The following NKAP variants were observed in gnomAD, a reference collection of about 807,000 sequenced individuals.
The protein encoded by NKAP is NFKB activating protein, also known as NF-kappa-B-activating protein.
A neutral mutation model predicts 35.6 loss-of-function variants in NKAP; 4 were observed. That is an observed-to-expected ratio of 0.11 (90% CI 0.06 to 0.26). The LOEUF is 0.26. Ranked by LOEUF, NKAP falls within the 10% of genes least tolerant of loss-of-function variation. The pLI is 1.00. For missense variants in NKAP, 238 were observed against 321.9 expected (o/e 0.74, Z 1.99); for synonymous variants, 106 against 119.2 (o/e 0.89, Z 0.72).
chrX:119,934,592 A>C (rs779428066), intron 4 of NKAP, 35 bp from the exon 5 acceptor site: 1 of 1,015,167 alleles, frequency 9.9e-7, no homozygotes, highest in Non-Finnish European at 1.3e-6. Flanking sequence ...TAAGAAAAAA[A>C]TTTTTTAACT....
intron 1 of NKAP, among the ~76,000 whole-genome samples, chrX:119,939,685 G>A (rs2056783390): frequency 9.2e-6 from 1 of 108,671 alleles, no homozygotes; most frequent in Non-Finnish European, 1.9e-5. Flanking sequence ...GATTGCTTGA[G>A]ATCAGGAGGT....
Position 119,920,709 on chromosome X carries a change from G to C in NKAP, c.*4511C>G. On this transcript the variant is annotated 3_prime_UTR_variant, in exon 9 of 9. Coordinates refer to ENST00000371410, the MANE Select transcript of NKAP (RefSeq NM_024528.4). Reference sequence around the variant, plus strand: ...ATATTTATTGAGTAATAAACTTGTGGCACACAATCCAGCTGTATTTTTTTG... The same window carrying C: ...ATATTTATTGAGTAATAAACTTGTGCCACACAATCCAGCTGTATTTTTTTG... 1.7e-6 allele frequency: 1 copy of C among 598,722 alleles called. No homozygotes were observed. The highest frequency in any genetic ancestry group is 2.5e-6 in the Non-Finnish European group (1 of 399,234). 49.3% of individuals were successfully genotyped at this position (598,722 alleles called of 1,213,427 possible).
In NKAP at chrX:119,943,735, G is replaced by A. The variant is rs769354012; in HGVS notation, c.-130C>T. ...CAAATCTGAGGAAACCTTGGACACAGTTCTGGGTACTTCTGCAAAACCCTT... is the reference window on the plus strand; with the variant it reads ...CAAATCTGAGGAAACCTTGGACACAATTCTGGGTACTTCTGCAAAACCCTT... On this transcript the variant is annotated 5_prime_UTR_variant, in exon 1 of 9. Transcript: ENST00000371410. 1.3e-6 allele frequency: 1 copy of A among 777,251 alleles called. No homozygotes were observed. The allele number at this position is 777,251 out of a possible 1,213,427, so 64.1% of individuals were successfully genotyped here.
chrX:119,922,909 CAAATAACCTTAACAA>C lies in NKAP; in HGVS notation c.*2296_*2310del. The C allele has an allele frequency of 9.0e-6, 1 of 110,756 alleles. No individual in the cohort carries two copies. The highest frequency in any genetic ancestry group is 3.9e-4 in the South Asian group (1 of 2,585). The allele number at this position is 110,756 out of a possible 1,213,427, so 9.1% of individuals were successfully genotyped here. A position where few individuals can be genotyped will look rare whatever the true frequency, so the allele number is the denominator to read the frequency against. Reference sequence around the variant, plus strand: ...ATAGGCATGTAATAATAATGCAGATCAAATAACCTTAACAAAAACGGCCAGGCACGGTTGCTCACA... The same window carrying C: ...ATAGGCATGTAATAATAATGCAGATCAAACGGCCAGGCACGGTTGCTCACA... On this transcript the variant is annotated 3_prime_UTR_variant, in exon 9 of 9. Transcript: ENST00000371410.
At chrX:119,936,888 C>T (rs1412936894) in intron 2 of NKAP, 3 of 359,646 alleles carry the variant, frequency 8.3e-6, no homozygotes, top group Non-Finnish European at 9.5e-6. Flanking sequence ...CTTTCATAAA[C>T]GTGCAGTTCA....
Position 119,943,559 on chromosome X carries a change from C to A in NKAP, c.47G>T (p.Gly16Val). The A allele has an allele frequency of 8.3e-7, 1 of 1,199,524 alleles. No individual in the cohort carries two copies. Among genetic ancestry groups the A allele is most frequent in the Non-Finnish European group, 1.1e-6 (1 of 887,902 alleles). ...CGAACTGCGACGTCTTCCCCCCGAGCCCGAGGCCTCCCTATCCGGGCTGCG... is the reference window on the plus strand; with the variant it reads ...CGAACTGCGACGTCTTCCCCCCGAGACCGAGGCCTCCCTATCCGGGCTGCG... ...GSRSPDREAS[G>V]SGGRRRSSSK... Residue 16 changes from glycine (G) to valine (V), a missense_variant, in exon 1 of 9, where the codon GGC (glycine) becomes GTC (valine). Gly to Val is a moderately radical substitution (Grantham distance 109). Coordinates refer to ENST00000371410, the MANE Select transcript of NKAP (RefSeq NM_024528.4).
At position 119,923,071 on chromosome X, in the gene NKAP, TGTG is replaced by T. The variant is rs1010864235; in HGVS notation, c.*2146_*2148del. 1.8e-5 allele frequency: 2 copies of T among 110,374 alleles called. No homozygotes were observed. Among genetic ancestry groups the T allele is most frequent in the African/African-American group, 6.6e-5 (2 of 30,375 alleles). 9.1% of individuals were successfully genotyped at this position (110,374 alleles called of 1,213,427 possible). On this transcript the variant is annotated 3_prime_UTR_variant, in exon 9 of 9. Coordinates refer to ENST00000371410, the MANE Select transcript of NKAP (RefSeq NM_024528.4). ...ATTGAAAATACAAAAATTAGCCAGT[TGTG>T]GTGGTGAGTGCCTGTAATCCCAGCT...
rs1040829588 is a variant in NKAP, at chrX:119,943,376, C to A, written c.230G>T (p.Arg77Leu). Reference protein sequence around the residue: ...SRNQSYRSRSRSRSRERPSAP... With the variant: ...SRNQSYRSRSLSRSRERPSAP... The stretch of plus-strand genomic sequence containing the variant: ...AGAGGGCCGCTCTCTAGAACGCGAC[C>A]GCGAGCGTGAGCGGTAGGACTGGTT... Residue 77 changes from arginine (R) to leucine (L), a missense_variant, in exon 1 of 9, where the codon CGG becomes CTG. Coordinates refer to ENST00000371410, the MANE Select transcript of NKAP (RefSeq NM_024528.4). 1 of 1,210,818 alleles carries A rather than the reference C, an allele frequency of 8.3e-7. No individual in the cohort carries two copies. The highest frequency in any genetic ancestry group is 1.1e-6 in the Non-Finnish European group (1 of 895,130).
chrX:119,942,612 G>A (rs1333102337), intron 1 of NKAP, among the ~76,000 whole-genome samples: 1 of 111,713 alleles, frequency 9.0e-6, no homozygotes. Context: ...CTCAAAGTGG[G>A]GTCATCTATA....
At chrX:119,926,226 G>A (rs1333203839) in intron 8 of NKAP, among the ~76,000 whole-genome samples, 27 of 105,198 alleles carry the variant, frequency 2.6e-4, no homozygotes, top group Admixed American at 4.1e-4. Context: ...AAAGTGCTGG[G>A]ATTACAGGCG....
Position 119,943,681 on chromosome X carries a change from T to C in NKAP, c.-76A>G, listed in dbSNP as rs1318920512. Reference sequence around the variant, plus strand: ...CCTAGGAAGATGTCTGTTGCCTTGGTTCCCGGGACCTGCCGCTGCGGAACA... The same window carrying C: ...CCTAGGAAGATGTCTGTTGCCTTGGCTCCCGGGACCTGCCGCTGCGGAACA... On this transcript the variant is annotated 5_prime_UTR_variant, in exon 1 of 9. Transcript: ENST00000371410. 1.6e-5 allele frequency: 17 copies of C among 1,071,381 alleles called. No homozygotes were observed. The highest frequency in any genetic ancestry group is 2.0e-5 in the Non-Finnish European group (16 of 815,698). The allele number at this position is 1,071,381 out of a possible 1,213,427, so 88.3% of individuals were successfully genotyped here. A position where few individuals can be genotyped will look rare whatever the true frequency, so the allele number is the denominator to read the frequency against.
Position 119,943,354 on chromosome X carries a change from G to A in NKAP, c.252C>T (p.Pro84=), listed in dbSNP as rs1438231484. The change falls in exon 1 of 9, where the codon CCC becomes CCT. Residue 84 remains proline (P), a synonymous_variant. Transcript: ENST00000371410. The stretch of plus-strand genomic sequence containing the variant: ...CGAAGGGGATGCCCCGGGGCGCAGA[G>A]GGCCGCTCTCTAGAACGCGACCGCG... ...SRSRSRSRER[P]SAPRGIPFAS... 1 of 1,211,151 alleles carries A rather than the reference G, an allele frequency of 8.3e-7. No individual in the cohort carries two copies. The highest frequency in any genetic ancestry group is 1.1e-6 in the Non-Finnish European group (1 of 895,330).
intron 8 of NKAP, among the ~76,000 whole-genome samples, chrX:119,926,478 G>T (rs1208224876): frequency 9.3e-6 from 1 of 107,738 alleles, no homozygotes; most frequent in Non-Finnish European, 1.9e-5. Context: ...TGTTGGCCAT[G>T]CTGGTTTCGA....
At chrX:119,928,319 G>A (rs1283603465) in intron 8 of NKAP, among the ~76,000 whole-genome samples, 2 of 111,982 alleles carry the variant, frequency 1.8e-5, no homozygotes, top group African/African-American at 6.5e-5. Flanking sequence ...AGAGCCCTGG[G>A]CATCTTTTGT....
chrX:119,940,354 C>CAAA (rs386419406), intron 1 of NKAP, among the ~76,000 whole-genome samples: 1 of 68,989 alleles, frequency 1.4e-5, no homozygotes, highest in South Asian at 8.2e-4. Flanking sequence ...AATAAAAAAC[C>CAAA]AAAAAAAAAA....
rs766431364 is a variant in NKAP, at chrX:119,925,207, A to T, written c.*13T>A. 2 of 1,206,793 alleles carry T rather than the reference A, an allele frequency of 1.7e-6. No homozygotes were observed. Among genetic ancestry groups the T allele is most frequent in the Non-Finnish European group, 2.2e-6 (2 of 893,559 alleles). On this transcript the variant is annotated 3_prime_UTR_variant, in exon 9 of 9. Transcript: ENST00000371410. ...TTGTTGTTAAAAATGTCTTCTGGAC[A>T]ATCAGAAAATCTTTATTTGTCATCC...
intron 7 of NKAP, among the ~76,000 whole-genome samples, chrX:119,931,048 A>G (rs759704345): frequency 8.8e-4 from 97 of 109,702 alleles, no homozygotes; most frequent in African/African-American, 3.2e-3. Flanking sequence ...AGGCTGAGGC[A>G]GGAGAATCAC....
rs1569472027 is a variant in NKAP at position 119,934,542 on chromosome X, C to T, written c.689G>A (p.Arg230Lys). 3.5e-6 allele frequency: 4 copies of T among 1,153,669 alleles called. No individual in the cohort carries two copies. In the African/African-American group the frequency reaches 7.5e-5, roughly 22 times the overall value. ...CTTTTTCTTGGCTTTCTTTGCTCTC[C>T]TTTTGTTATCTTCATCTGCAAATTA... ...ETDSSDEDNKRRAKKAKKKEK... is the reference protein window; with the variant it reads ...ETDSSDEDNKKRAKKAKKKEK... Residue 230 changes from arginine (R) to lysine (K), a missense_variant, in exon 5 of 9, where the codon AGG becomes AAG. Around this residue, in one of 5 missense-constraint regions of NKAP, gnomAD observed 89 missense variants for 91.7 expected, o/e 0.97. Coordinates refer to ENST00000371410, the MANE Select transcript of NKAP (RefSeq NM_024528.4).
chrX:119,943,414 G>A lies in NKAP; in HGVS notation c.192C>T (p.Ser64=), dbSNP rs111515608. ...GGTAGGACTGGTTTCGGGAGCCTTG[G>A]CTGAGGCCACCCAGCTGATGGGTGA... The part of the protein sequence containing the change: ...NGLTHQLGGL[S]QGSRNQSYRS... Residue 64 remains serine (S), a synonymous_variant, in exon 1 of 9, where the codon AGC becomes AGT. Transcript: ENST00000371410. The A allele has an allele frequency of 1.0e-4, 126 of 1,209,709 alleles. No individual in the cohort carries two copies. In the African/African-American group the frequency reaches 1.4e-3, roughly 13 times the overall value.
Sources: gnomAD v4.1 joint callset for allele counts (sites outside exome capture counted in the v4.1 genomes callset) on GRCh38, gnomAD v4.1.1 for gene constraint, gnomAD v4.1.1 regional missense constraint, MANE v1.5 for transcripts, NCBI Gene and HGNC (gene_info 2026-07-23, HGNC 2026-07-21) for gene names.